Variants in DENND1A observed in about 807,000 individuals in gnomAD.
DENND1A encodes DENN domain-containing protein 1A.
In DENND1A, 51 loss-of-function variants were observed where a neutral mutation model predicts 113.7. That is an observed-to-expected ratio of 0.45 (90% CI 0.36 to 0.57). DENND1A has a LOEUF of 0.57. Ranked by LOEUF, DENND1A falls within the 20% of genes least tolerant of loss-of-function variation. The pLI, the probability that DENND1A is intolerant of heterozygous loss-of-function variation, is 0.00. For missense variants in DENND1A, 1,258 were observed against 1,395.9 expected (o/e 0.90, Z 1.57); for synonymous variants, 565 against 570.8 (o/e 0.99, Z 0.14).
chr9:123,558,695 G>T (rs972359245), intron 12 of DENND1A, among the ~76,000 whole-genome samples: 6 of 152,180 alleles, frequency 3.9e-5, no homozygotes, highest in Non-Finnish European at 7.3e-5. Context: ...GTGTGACATG[G>T]TGGCTGTTGC....
chr9:123,740,578 A>T (rs2068925173), intron 5 of DENND1A, among the ~76,000 whole-genome samples: 2 of 152,032 alleles, frequency 1.3e-5, no homozygotes, highest in Admixed American at 1.3e-4. Context: ...ATGTGGAAAA[A>T]CATATGAAAT....
At chr9:123,831,137 A>G (rs1840153935) in intron 2 of DENND1A, among the ~76,000 whole-genome samples, 1 of 152,212 alleles carries the variant, frequency 6.6e-6, no homozygotes. Context: ...TTCAAAATTT[A>G]ACTGTATTTC....
intron 20 of DENND1A, among the ~76,000 whole-genome samples, chr9:123,407,151 A>AGCAGGGGGGGAGGG (rs2043923237): frequency 3.6e-5 from 1 of 27,732 alleles, no homozygotes; most frequent in Non-Finnish European, 6.9e-5. Context: ...AAACAGACAG[A>AGCAGGGGGGGAGGG]GCAGGGGGGG....
At chr9:123,728,177 G>A (rs1441826363) in intron 5 of DENND1A, among the ~76,000 whole-genome samples, 1 of 149,518 alleles carries the variant, frequency 6.7e-6, no homozygotes, top group African/African-American at 2.5e-5. Context: ...CCCAAATATT[G>A]TAAAAAGGTT....
intron 3 of DENND1A, among the ~76,000 whole-genome samples, chr9:123,781,448 C>T (rs73666283): frequency 0.016 from 2,442 of 152,192 alleles, 74 homozygotes; most frequent in African/African-American, 0.056. Context: ...GGACTTCAGG[C>T]TCTTTATCTA....
At chr9:123,754,544 T>G (rs954359773) in intron 5 of DENND1A, among the ~76,000 whole-genome samples, 4 of 152,154 alleles carry the variant, frequency 2.6e-5, no homozygotes, top group African/African-American at 4.8e-5. Flanking sequence ...GACGACACTA[T>G]GCCTTGGGAT....
intron 19 of DENND1A, among the ~76,000 whole-genome samples, chr9:123,426,388 A>C (rs1384247867): frequency 6.6e-6 from 1 of 152,242 alleles, no homozygotes; most frequent in African/African-American, 2.4e-5. Context: ...ACTGGGGTAC[A>C]GCTGGTTTGG....
At chr9:123,638,232 G>GA (rs2138932164) in intron 9 of DENND1A, among the ~76,000 whole-genome samples, 1 of 152,300 alleles carries the variant, frequency 6.6e-6, no homozygotes, top group Admixed American at 6.5e-5. Context: ...AGCAGAAGCA[G>GA]AAAACCATGG....
chr9:123,654,692 T>A (rs1425837040), intron 8 of DENND1A, among the ~76,000 whole-genome samples: 1 of 152,246 alleles, frequency 6.6e-6, no homozygotes, highest in Non-Finnish European at 1.5e-5. Flanking sequence ...TGTCATGTAC[T>A]TTTTTTGGTA....
intron 21 of DENND1A, among the ~76,000 whole-genome samples, chr9:123,396,166 C>G (rs1161775396): frequency 6.6e-6 from 1 of 152,170 alleles, no homozygotes; most frequent in Non-Finnish European, 1.5e-5. Flanking sequence ...GCGCTCTGCT[C>G]ACTCAGGATG....
intron 21 of DENND1A, among the ~76,000 whole-genome samples, chr9:123,395,468 C>CTCTCTGTGTGGGTGTGTG (rs367751848): frequency 7.0e-6 from 1 of 142,890 alleles, no homozygotes; most frequent in African/African-American, 2.7e-5. Flanking sequence ...CTCTCTCTCT[C>CTCTCTGTGTGGGTGTGTG]TGTGTGTGTG....
chr9:123,645,271 G>A (rs1157181879), intron 9 of DENND1A, among the ~76,000 whole-genome samples: 2 of 152,082 alleles, frequency 1.3e-5, no homozygotes, highest in Non-Finnish European at 2.9e-5. Flanking sequence ...TCTTTCATGT[G>A]CTTGGTGGCT....
At chr9:123,671,465 T>C (rs1356973164) in intron 6 of DENND1A, 94 bp from the exon 7 acceptor site, 11 of 1,185,294 alleles carry the variant, frequency 9.3e-6, no homozygotes, top group Non-Finnish European at 1.3e-5. Context: ...CTGAGGGGGC[T>C]GGGGAGATGC....
intron 12 of DENND1A, among the ~76,000 whole-genome samples, chr9:123,568,007 G>C (rs1302949708): frequency 6.6e-6 from 1 of 152,220 alleles, no homozygotes; most frequent in Non-Finnish European, 1.5e-5. Context: ...ACCACCAGGA[G>C]TTCAGATTTA....
Position 123,583,153 on chromosome 9 carries a change from C to T in DENND1A, c.867+16G>A. On this transcript the variant is annotated intron_variant, in intron 12 of 23. Coordinates refer to ENST00000394215, the MANE Select transcript of DENND1A (RefSeq NM_001352964.2). ...GGAGCTCACAGAAGTGAGATCCTCG[C>T]AAGCTCATTACCTACCACGTCGTTT... is the stretch of plus-strand genomic sequence containing the variant. The T allele has an allele frequency of 1.3e-6, 2 of 1,587,560 alleles. No homozygotes were observed. Among genetic ancestry groups the T allele is most frequent in the Non-Finnish European group, 1.7e-6 (2 of 1,162,384 alleles).
At chr9:123,927,321 G>A (rs1199106070) in intron 1 of DENND1A, among the ~76,000 whole-genome samples, 1 of 152,120 alleles carries the variant, frequency 6.6e-6, no homozygotes, top group Non-Finnish European at 1.5e-5. Context: ...TTTTAATAAT[G>A]AGACAATGTT....
intron 1 of DENND1A, among the ~76,000 whole-genome samples, chr9:123,917,777 A>G (rs1855429159): frequency 6.6e-6 from 1 of 152,034 alleles, no homozygotes; most frequent in South Asian, 2.1e-4. Flanking sequence ...TGAGTCTGGG[A>G]CACTCTGTCA....
At chr9:123,885,314 A>G (rs1221841280) in intron 1 of DENND1A, among the ~76,000 whole-genome samples, 2 of 152,196 alleles carry the variant, frequency 1.3e-5, no homozygotes, top group Non-Finnish European at 2.9e-5. Context: ...TGTGTCTCAG[A>G]TAAAATATAA....
intron 2 of DENND1A, among the ~76,000 whole-genome samples, chr9:123,827,159 A>T (rs1460969459): frequency 2.0e-5 from 3 of 152,080 alleles, no homozygotes; most frequent in Non-Finnish European, 2.9e-5. Context: ...ATAAAAAATT[A>T]ATTATAGGTT....
Sources: allele counts gnomAD v4.1 joint callset (sites outside exome capture counted in the v4.1 genomes callset), GRCh38; gene constraint gnomAD v4.1.1; transcripts MANE v1.5; gene names NCBI Gene and HGNC (gene_info 2026-07-23, HGNC 2026-07-21).